The following SLC15A3 variants were observed in gnomAD, a reference collection of about 807,000 sequenced individuals.
SLC15A3 encodes the protein solute carrier family 15 member 3.
A neutral mutation model predicts 49.2 loss-of-function variants in SLC15A3; 39 were observed. That is an observed-to-expected ratio of 0.79 (90% CI 0.61 to 1.04). The LOEUF is 1.04. SLC15A3 is among the 50% of genes least tolerant of loss of function. The probability of loss-of-function intolerance (pLI) is 0.00; values close to 1 mark genes in which losing one functional copy is unlikely to be tolerated. For missense variants in SLC15A3, 758 were observed against 794.8 expected (o/e 0.95, Z 0.56); for synonymous variants, 339 against 367.0 (o/e 0.92, Z 0.87).
intron 1 of SLC15A3, among the ~76,000 whole-genome samples, chr11:60,949,333 T>A (rs561366374): frequency 1.6e-4 from 22 of 135,836 alleles, no homozygotes; most frequent in African/African-American, 6.2e-4. Flanking sequence ...CGAGACTCCG[T>A]CAAAAGAAAG....
chr11:60,937,309 C>G lies in SLC15A3; in HGVS notation c.1656G>C (p.Thr552=), dbSNP rs746370890. The part of the protein sequence containing the change: ...FFLLAGIQAV[T]ALLFVWIAGR... Reference sequence around the variant, plus strand: ...CAGCGATCCAGACAAATAGGAGAGCCGTGACGGCCTGAATGCCAGCCAGCA... The same window carrying G: ...CAGCGATCCAGACAAATAGGAGAGCGGTGACGGCCTGAATGCCAGCCAGCA... The change falls in exon 8 of 8, where the codon ACG becomes ACC. Residue 552 remains threonine, a synonymous_variant. Transcript: ENST00000227880. The G allele has an allele frequency of 6.2e-6, 10 of 1,614,006 alleles. No individual in the cohort carries two copies. Among genetic ancestry groups the G allele is most frequent in the Non-Finnish European group, 8.5e-6 (10 of 1,180,028 alleles).
intron 1 of SLC15A3, among the ~76,000 whole-genome samples, chr11:60,949,345 A>G (rs1007031378): frequency 6.8e-6 from 1 of 147,298 alleles, no homozygotes; most frequent in Non-Finnish European, 1.5e-5. Context: ...AAAAGAAAGG[A>G]AGAAAGAAAG....
Position 60,946,930 on chromosome 11 carries a change from C to T in SLC15A3, c.559-109G>A, listed in dbSNP as rs1856814166. ...ACTTCTTGGGTCAGTGGGTGGTGGG[C>T]GTTCCGACACTTTCCCAGTCTCTGA... On this transcript the variant is annotated intron_variant, in intron 1 of 7. Transcript: ENST00000227880. The T allele has an allele frequency of 6.7e-6, 8 of 1,192,128 alleles. No individual in the cohort carries two copies. In the South Asian group the frequency reaches 7.9e-5, roughly 12 times the overall value. The allele number at this position is 1,192,128 out of a possible 1,614,324, so 73.8% of individuals were successfully genotyped here. A position where few individuals can be genotyped will look rare whatever the true frequency, so the allele number is the denominator to read the frequency against.
chr11:60,943,717 A>G lies in SLC15A3; in HGVS notation c.968T>C (p.Leu323Pro). The G allele has an allele frequency of 6.3e-7, 1 of 1,598,446 alleles. No homozygotes were observed. The highest frequency in any genetic ancestry group is 8.5e-7 in the Non-Finnish European group (1 of 1,171,376). ...LVKILPVMVT[L>P]VPYWMVYFQM... ...GAAGTAGACCATCCAGTAGGGCACC[A>G]GGGTCACCATGACGGGCAAGATCTT... Residue 323 changes from leucine (L) to proline (P), a missense_variant, in exon 3 of 8, where the codon CTG becomes CCG. By Grantham distance (98) the Leu-to-Pro change is moderately conservative (BLOSUM62 -3). Coordinates refer to ENST00000227880, the MANE Select transcript of SLC15A3 (RefSeq NM_016582.3).
At position 60,951,254 on chromosome 11, in the gene SLC15A3, G is replaced by A. The variant is rs1182254783; in HGVS notation, c.298C>T (p.Arg100Cys). 1.3e-6 allele frequency: 2 copies of A among 1,515,534 alleles called. No homozygotes were observed. The highest frequency in any genetic ancestry group is 1.8e-6 in the Non-Finnish European group (2 of 1,134,970). The allele number at this position is 1,515,534 out of a possible 1,614,324, so 93.9% of individuals were successfully genotyped here. A position where few individuals can be genotyped will look rare whatever the true frequency, so the allele number is the denominator to read the frequency against. The change falls in exon 1 of 8, where the codon CGC becomes TGC. Residue 100 changes from arginine to cysteine, a missense_variant. Arg to Cys is a radical substitution (Grantham distance 180). Around this residue, in one of 3 missense-constraint regions of SLC15A3, gnomAD observed 699 missense variants for 706.7 expected, o/e 0.99. Coordinates refer to ENST00000227880, the MANE Select transcript of SLC15A3 (RefSeq NM_016582.3). ...AGGCTGAGCGCGACCGCGCGGTAGC[G>A]GCCCAGGTACACGTCGGCCAGCCAG... ...GGWLADVYLGRYRAVALSLLL... is the reference protein window; with the variant it reads ...GGWLADVYLGCYRAVALSLLL...
intron 5 of SLC15A3, chr11:60,940,535 C>T (rs1392277065): frequency 6.6e-6 from 1 of 152,298 alleles, no homozygotes; most frequent in East Asian, 1.9e-4. Context: ...TCCACAAGGG[C>T]AGAGCCCTGC....
chr11:60,937,838 A>G (rs771026914), intron 7 of SLC15A3, 32 bp downstream of exon 7: 26 of 1,603,918 alleles, frequency 1.6e-5, no homozygotes, highest in Non-Finnish European at 8.5e-7. Flanking sequence ...CCCTCCATCC[A>G]TGTCCCACTC....
In SLC15A3 at chr11:60,951,264, C is replaced by A. The variant is rs751968984; in HGVS notation, c.288G>T (p.Val96=). 1.1e-5 allele frequency: 16 copies of A among 1,514,722 alleles called. No homozygotes were observed. Among genetic ancestry groups the A allele is most frequent in the Non-Finnish European group, 1.3e-5 (15 of 1,134,136 alleles). The allele number at this position is 1,514,722 out of a possible 1,614,324, so 93.8% of individuals were successfully genotyped here. Residue 96 remains valine (V), a synonymous_variant, in exon 1 of 8, where the codon GTG becomes GTT. Coordinates refer to ENST00000227880, the MANE Select transcript of SLC15A3 (RefSeq NM_016582.3). ...CGACCGCGCGGTAGCGGCCCAGGTA[C>A]ACGTCGGCCAGCCAGCCGCCCACGG... ...LAPVGGWLAD[V]YLGRYRAVAL... is the part of the protein sequence containing the mutation.
chr11:60,949,363 GGAAA>G lies in SLC15A3; in HGVS notation c.558+1627_558+1630del, dbSNP rs1430936045. Among the ~76,000 whole-genome samples, 3 of 117,676 alleles carry G rather than the reference GGAAA, an allele frequency of 2.5e-5. No individual in the cohort carries two copies. In the Admixed American group the frequency reaches 2.7e-4, roughly 11 times the overall value. 77.2% of individuals were successfully genotyped at this position (117,676 alleles called of 152,430 possible). Reference sequence around the variant, plus strand: ...AGAAAGGAAGAAAGAAAGGAAAGAAGGAAAGAAAGAGAAAGAAAGAGAGAGAGAG... The same window carrying G: ...AGAAAGGAAGAAAGAAAGGAAAGAAGGAAAGAGAAAGAAAGAGAGAGAGAG... On this transcript the variant is annotated intron_variant, in intron 1 of 7. Coordinates refer to ENST00000227880, the MANE Select transcript of SLC15A3 (RefSeq NM_016582.3).
At position 60,943,801 on chromosome 11, in the gene SLC15A3, C is replaced by CTACACGCTGAT; in HGVS notation, c.883_884insATCAGCGTGTA (p.Arg295AsnfsTer24). On this transcript the variant is annotated frameshift_variant, in exon 3 of 8. Transcript: ENST00000227880. LOFTEE classifies it high-confidence loss of function. ...CGGGGAAGCCCCTGGCTGGGGAGACCTCTCGTCGGCCAGCACGCGGGCACA... is the reference window on the plus strand; with the variant it reads ...CGGGGAAGCCCCTGGCTGGGGAGACCTACACGCTGATTCTCGTCGGCCAGCACGCGGGCACA... 6.2e-7 allele frequency: 1 copy of CTACACGCTGAT among 1,600,018 alleles called. No individual in the cohort carries two copies. Among genetic ancestry groups the CTACACGCTGAT allele is most frequent in the Admixed American group, 1.7e-5 (1 of 58,362 alleles).
chr11:60,945,652 A>C (rs140138853), intron 2 of SLC15A3, among the ~76,000 whole-genome samples: 459 of 152,316 alleles, frequency 3.0e-3, no homozygotes, highest in Middle Eastern at 0.014. Flanking sequence ...GCTTGGCATA[A>C]GTAGACAGTT....
At chr11:60,937,552 A>G in intron 7 of SLC15A3, 179 bp from the exon 8 acceptor site, 2 of 828,438 alleles carry the variant, frequency 2.4e-6, no homozygotes, top group Non-Finnish European at 4.0e-6. Context: ...AGGGGTGTCT[A>G]CAATTCCTCT....
chr11:60,940,573 T>C (rs1856694167), intron 5 of SLC15A3: 1 of 152,230 alleles, frequency 6.6e-6, no homozygotes, highest in Admixed American at 6.5e-5. Context: ...CCTGTCCCCA[T>C]TTTAAAGACA....
Position 60,950,994 on chromosome 11 carries a change from C to A in SLC15A3, c.558G>T (p.Gln186His). Residue 186 changes from glutamine (Q) to histidine (H), a missense_variant and splice_region_variant, in exon 1 of 8, where the codon CAG becomes CAT. By Grantham distance (24) the Gln-to-His change is conservative (BLOSUM62 0). Around this residue, in one of 3 missense-constraint regions of SLC15A3, gnomAD observed 699 missense variants for 706.7 expected, o/e 0.99. Transcript: ENST00000227880. ...RSNLTSFGAD[Q>H]VMDLGRDATR... The stretch of plus-strand genomic sequence containing the variant: ...CCGGGGCAGGCCTCCTGCCACTCAC[C>A]TGGTCGGCACCGAAGGAGGTGAGGT... 1 of 1,463,314 alleles carries A rather than the reference C, an allele frequency of 6.8e-7. No homozygotes were observed. The highest frequency in any genetic ancestry group is 9.0e-7 in the Non-Finnish European group (1 of 1,114,490). The allele number at this position is 1,463,314 out of a possible 1,614,324, so 90.6% of individuals were successfully genotyped here. A position where few individuals can be genotyped will look rare whatever the true frequency, so the allele number is the denominator to read the frequency against.
At position 60,951,281 on chromosome 11, in the gene SLC15A3, C is replaced by A. The variant is rs1174209716; in HGVS notation, c.271G>T (p.Gly91Cys). Residue 91 changes from glycine (G) to cysteine (C), a missense_variant, in exon 1 of 8, where the codon GGC becomes TGC. Physicochemically the swap from Gly to Cys is radical, Grantham distance 159. This residue lies in a region of SLC15A3 where 699 missense variants were observed against 706.7 expected (regional missense o/e 0.99). Coordinates refer to ENST00000227880, the MANE Select transcript of SLC15A3 (RefSeq NM_016582.3). ...GASYLLAPVG[G>C]WLADVYLGRY... ...CCCAGGTACACGTCGGCCAGCCAGCCGCCCACGGGCGCCAGCAGGTAGGAG... is the reference window on the plus strand; with the variant it reads ...CCCAGGTACACGTCGGCCAGCCAGCAGCCCACGGGCGCCAGCAGGTAGGAG... The A allele has an allele frequency of 3.3e-6, 5 of 1,516,440 alleles. No homozygotes were observed. In the Admixed American group the frequency reaches 1.1e-4, roughly 32 times the overall value. The allele number at this position is 1,516,440 out of a possible 1,614,324, so 93.9% of individuals were successfully genotyped here. A position where few individuals can be genotyped will look rare whatever the true frequency, so the allele number is the denominator to read the frequency against.
Position 60,951,237 on chromosome 11 carries a change from C to G in SLC15A3, c.315G>C (p.Ala105=). 6.6e-7 allele frequency: 1 copy of G among 1,510,938 alleles called. No individual in the cohort carries two copies. Among genetic ancestry groups the G allele is most frequent in the Non-Finnish European group, 8.8e-7 (1 of 1,134,096 alleles). 93.6% of individuals were successfully genotyped at this position (1,510,938 alleles called of 1,614,324 possible). A position where few individuals can be genotyped will look rare whatever the true frequency, so the allele number is the denominator to read the frequency against. The stretch of plus-strand genomic sequence containing the variant: ...CGGCCAGGTAGAGCAGCAGGCTGAG[C>G]GCGACCGCGCGGTAGCGGCCCAGGT... ...DVYLGRYRAV[A]LSLLLYLAAS... Residue 105 remains alanine, a synonymous_variant, in exon 1 of 8, where the codon GCG becomes GCC. Transcript: ENST00000227880.
rs1856718937 is a variant in SLC15A3 at position 60,942,076 on chromosome 11, T to C, written c.1066A>G (p.Asn356Asp). ...TGGGCTCTCAGGGCCACAGAGATGT[T>C]GGCCGGGTTGGCTGGGAAAATGTTT... ...IPNIFPANPA[N>D]ISVALRAQGS... Residue 356 changes from asparagine to aspartate, a missense_variant, in exon 4 of 8, where the codon AAC becomes GAC. By Grantham distance (23) the Asn-to-Asp change is conservative. Transcript: ENST00000227880. 6.2e-7 allele frequency: 1 copy of C among 1,613,962 alleles called. No individual in the cohort carries two copies. Among genetic ancestry groups the C allele is most frequent in the Non-Finnish European group, 8.5e-7 (1 of 1,179,902 alleles).
chr11:60,939,403 C>G, intron 6 of SLC15A3, 77 bp downstream of exon 6: 1 of 1,561,724 alleles, frequency 6.4e-7, no homozygotes, highest in Non-Finnish European at 8.7e-7. Flanking sequence ...GGCTGCATCC[C>G]TGGGGTACCT....
At chr11:60,947,820 T>C (rs1856826566) in intron 1 of SLC15A3, 1 of 152,190 alleles carries the variant, frequency 6.6e-6, no homozygotes, top group South Asian at 2.1e-4. Context: ...AGGCCCCTTC[T>C]GGTCTGTTGG....
Sources: allele counts gnomAD v4.1 joint callset (sites outside exome capture counted in the v4.1 genomes callset), GRCh38; gene constraint gnomAD v4.1.1; regional missense constraint gnomAD v4.1.1; transcripts MANE v1.5; gene names NCBI Gene and HGNC (gene_info 2026-07-23, HGNC 2026-07-21).